LRRC7: variants seen among roughly 807,000 people sequenced by gnomAD.
LRRC7 encodes the protein leucine rich repeat containing 7.
In LRRC7, 23 loss-of-function variants were observed where a neutral mutation model predicts 175.7. The ratio of observed to expected loss-of-function variants is 0.13; its 90% CI spans 0.09 to 0.19. The LOEUF is 0.19. Ranked by LOEUF, LRRC7 falls within the 10% of genes least tolerant of loss-of-function variation. The pLI is 1.00. For missense variants in LRRC7, 1,354 were observed against 1,904.7 expected (o/e 0.71, Z 5.38); for synonymous variants, 685 against 680.9 (o/e 1.01, Z -0.09).
intron 2 of LRRC7, among the ~76,000 whole-genome samples, chr1:69,728,998 C>T (rs1330870774): frequency 6.6e-6 from 1 of 152,092 alleles, no homozygotes; most frequent in Non-Finnish European, 1.5e-5. Context: ...TGTCCTTCTA[C>T]ACATGGCAGC....
At chr1:69,723,520 G>T (rs1480677844) in intron 2 of LRRC7, among the ~76,000 whole-genome samples, 2 of 152,236 alleles carry the variant, frequency 1.3e-5, no homozygotes, top group South Asian at 2.1e-4. Context: ...CTGGACAGTT[G>T]TCAGAAATTA....
chr1:69,923,568 G>T (rs372870506), intron 7 of LRRC7, among the ~76,000 whole-genome samples: 46 of 152,138 alleles, frequency 3.0e-4, no homozygotes, highest in Admixed American at 1.1e-3. Context: ...GTGAGCATTT[G>T]TTCATGTGTT....
chr1:69,971,523 T>C (rs939610094), intron 8 of LRRC7, among the ~76,000 whole-genome samples: 24 of 152,006 alleles, frequency 1.6e-4, no homozygotes, highest in Non-Finnish European at 3.4e-4. Context: ...CCTTTTACAA[T>C]AGCTGCAAAC....
chr1:69,922,721 C>CAGTT (rs1419091992), intron 7 of LRRC7, among the ~76,000 whole-genome samples: 1 of 152,106 alleles, frequency 6.6e-6, no homozygotes, highest in African/African-American at 2.4e-5. Flanking sequence ...ATTAAGTGGT[C>CAGTT]AGTTCTCAGA....
At chr1:69,786,906 G>A (rs1674515551) in intron 3 of LRRC7, among the ~76,000 whole-genome samples, 1 of 152,092 alleles carries the variant, frequency 6.6e-6, no homozygotes, top group Non-Finnish European at 1.5e-5. Context: ...GTCCCTCAAA[G>A]TCTTAACTCA....
chr1:70,069,363 C>T (rs1471552966), intron 23 of LRRC7, among the ~76,000 whole-genome samples: 2 of 152,178 alleles, frequency 1.3e-5, no homozygotes, highest in African/African-American at 4.8e-5. Context: ...TATCCACTCA[C>T]TATCATGAGA....
chr1:70,057,755 T>C lies in LRRC7; in HGVS notation c.4230+4610T>C, dbSNP rs189093424. Among the ~76,000 whole-genome samples, 416 of 152,306 alleles carry C rather than the reference T, an allele frequency of 2.7e-3. 4 individuals carry two copies. The highest frequency in any genetic ancestry group is 9.4e-3 in the African/African-American group (392 of 41,568). ...TACTCATGGCCATGCCAGCCAGTAC[T>C]TCAAGCACTATAGAGAACAAATGTG... On this transcript the variant is annotated intron_variant, in intron 23 of 26. Coordinates refer to ENST00000651989, the MANE Select transcript of LRRC7 (RefSeq NM_001370785.2).
At chr1:69,654,101 A>G (rs1656248419) in intron 1 of LRRC7, among the ~76,000 whole-genome samples, 1 of 151,578 alleles carries the variant, frequency 6.6e-6, no homozygotes, top group African/African-American at 2.4e-5. Flanking sequence ...AAGAATTTAG[A>G]TCTCATGTTA....
At position 70,130,774 on chromosome 1, in the gene LRRC7, A is replaced by C. The variant is rs77162279; in HGVS notation, c.*8887A>C. On this transcript the variant is annotated 3_prime_UTR_variant, in exon 27 of 27. Coordinates refer to ENST00000651989, the MANE Select transcript of LRRC7 (RefSeq NM_001370785.2). Reference sequence around the variant, plus strand: ...TTACGTTACCTAAGCAATTTTTACAATTTGGATGTGGAGGGAAGAATAAAA... The same window carrying C: ...TTACGTTACCTAAGCAATTTTTACACTTTGGATGTGGAGGGAAGAATAAAA... Among the ~76,000 whole-genome samples, 1 of 152,180 alleles carries C rather than the reference A, an allele frequency of 6.6e-6. No individual in the cohort carries two copies. The highest frequency in any genetic ancestry group is 2.4e-5 in the African/African-American group (1 of 41,444).
At chr1:69,679,857 G>C (rs1001079283) in intron 2 of LRRC7, among the ~76,000 whole-genome samples, 5 of 152,108 alleles carry the variant, frequency 3.3e-5, no homozygotes, top group African/African-American at 1.2e-4. Context: ...GTCTAAGCCA[G>C]GGGTTGGCCA....
chr1:70,096,257 G>T (rs957959281), intron 25 of LRRC7, among the ~76,000 whole-genome samples: 1 of 152,198 alleles, frequency 6.6e-6, no homozygotes, highest in South Asian at 2.1e-4. Flanking sequence ...GATTACAGGC[G>T]TGAGCCACCG....
chr1:69,568,940 T>C (rs1439931710), intron 1 of LRRC7, among the ~76,000 whole-genome samples: 2 of 152,196 alleles, frequency 1.3e-5, no homozygotes, highest in Non-Finnish European at 2.9e-5. Flanking sequence ...AAGGTAAATG[T>C]TGGGCGCTGG....
Position 70,046,115 on chromosome 1 carries a change from A to C in LRRC7, c.4110+2021A>C, listed in dbSNP as rs908669788. 6.6e-5 allele frequency among the ~76,000 whole-genome samples: 10 copies of C among 152,272 alleles called. 1 individual carries two copies. The South Asian group carries it at 1.4e-3, about 22-fold the overall frequency. The stretch of plus-strand genomic sequence containing the variant: ...ACCCCCCTGAAGTTATATCATATGA[A>C]GATGCCCCTATTTGGCTTAATTTTT... On this transcript the variant is annotated intron_variant, in intron 22 of 26. Transcript: ENST00000651989.
At chr1:69,695,267 G>T (rs1053918205) in intron 2 of LRRC7, among the ~76,000 whole-genome samples, 1 of 152,222 alleles carries the variant, frequency 6.6e-6, no homozygotes, top group Admixed American at 6.5e-5. Flanking sequence ...ATATGTGGAA[G>T]TTTGAACTTA....
At chr1:69,588,313 A>T (rs1018142948) in intron 1 of LRRC7, among the ~76,000 whole-genome samples, 1 of 152,178 alleles carries the variant, frequency 6.6e-6, no homozygotes, top group Non-Finnish European at 1.5e-5. Context: ...AGCTCTTAAC[A>T]TACATTATCT....
At chr1:70,016,594 T>G (rs1656982622) in intron 14 of LRRC7, 60 bp downstream of exon 14, 4 of 1,299,714 alleles carry the variant, frequency 3.1e-6, no homozygotes, top group Non-Finnish European at 4.2e-6. Flanking sequence ...AAGTTTGAAT[T>G]ACTAATTTAT....
At position 69,568,256 on chromosome 1, in the gene LRRC7, G is replaced by A. The variant is rs1646404605; in HGVS notation, c.-384G>A. The A allele has an allele frequency of 9.6e-6, 2 of 207,456 alleles. No homozygotes were observed. Among genetic ancestry groups the A allele is most frequent in the Non-Finnish European group, 1.9e-5 (2 of 108,002 alleles). The allele number at this position is 207,456 out of a possible 1,614,324, so 12.9% of individuals were successfully genotyped here. On this transcript the variant is annotated 5_prime_UTR_variant, in exon 1 of 27. Coordinates refer to ENST00000651989, the MANE Select transcript of LRRC7 (RefSeq NM_001370785.2). Reference sequence around the variant, plus strand: ...ATTGTCTGTGGAGCCTTCTGGGGGCGGGGAGGGAGCTGCGCCTCCGCCACC... The same window carrying A: ...ATTGTCTGTGGAGCCTTCTGGGGGCAGGGAGGGAGCTGCGCCTCCGCCACC...
At chr1:69,793,445 A>G (rs972515246) in intron 4 of LRRC7, among the ~76,000 whole-genome samples, 1 of 152,076 alleles carries the variant, frequency 6.6e-6, no homozygotes, top group Non-Finnish European at 1.5e-5. Flanking sequence ...TTAGAGCTCC[A>G]TGACAATATC....
intron 1 of LRRC7, among the ~76,000 whole-genome samples, chr1:69,642,352 C>T (rs949661143): frequency 6.6e-6 from 1 of 151,198 alleles, no homozygotes; most frequent in African/African-American, 2.4e-5. Flanking sequence ...ATTCAAATAT[C>T]AAAAAGTTAT....
Sources: allele counts gnomAD v4.1 joint callset (sites outside exome capture counted in the v4.1 genomes callset), GRCh38; gene constraint gnomAD v4.1.1; transcripts MANE v1.5; gene names NCBI Gene and HGNC (gene_info 2026-07-23, HGNC 2026-07-21).